Variants in ADAMTSL3 observed in about 807,000 individuals in gnomAD.
The protein encoded by ADAMTSL3 is ADAMTS like 3.
A neutral mutation model predicts 201.7 loss-of-function variants in ADAMTSL3; 128 were observed. That is an observed-to-expected ratio of 0.63 (90% CI 0.55 to 0.73). ADAMTSL3 has a LOEUF of 0.73. Among genes scored for constraint, ADAMTSL3 ranks in the 30% least tolerant of loss-of-function variants. The pLI is 0.00. For synonymous variants in ADAMTSL3, 738 were observed against 748.4 expected (o/e 0.99, Z 0.23); for missense variants, 1,990 against 2,119.6 (o/e 0.94, Z 1.20).
At chr15:83,757,265 A>C (rs904643530) in intron 3 of ADAMTSL3, among the ~76,000 whole-genome samples, 10 of 152,248 alleles carry the variant, frequency 6.6e-5, no homozygotes, top group Non-Finnish European at 1.5e-4. Context: ...ATGGACATCC[A>C]GGTATTTCCA....
chr15:83,714,890 C>T (rs1232936012), intron 3 of ADAMTSL3, among the ~76,000 whole-genome samples: 998 of 41,124 alleles, frequency 0.024, 29 homozygotes, highest in South Asian at 0.035. Context: ...TCCTTCCTTC[C>T]TTCCTTCCTT....
intron 19 of ADAMTSL3, among the ~76,000 whole-genome samples, chr15:83,944,012 G>A (rs2066610956): frequency 6.6e-6 from 1 of 152,096 alleles, no homozygotes. Context: ...TGACTAATAG[G>A]CAGGTAGCAT....
intron 4 of ADAMTSL3, among the ~76,000 whole-genome samples, chr15:83,783,723 G>A (rs1488996116): frequency 6.6e-6 from 1 of 150,796 alleles, no homozygotes; most frequent in Non-Finnish European, 1.5e-5. Context: ...TAATAGCCCT[G>A]AATACACATA....
At position 83,655,768 on chromosome 15, in the gene ADAMTSL3, T is replaced by A. The variant is rs1261498174; in HGVS notation, c.7T>A (p.Ser3Thr). Residue 3 changes from serine (S) to threonine (T), a missense_variant, in exon 2 of 30, where the codon TCC becomes ACC. By Grantham distance (58) the Ser-to-Thr change is moderately conservative. Coordinates refer to ENST00000286744, the MANE Select transcript of ADAMTSL3 (RefSeq NM_207517.3). ...CCGGAGGAGACTAGACCCCATGGCT[T>A]CCTGGACGAGCCCCTGGTGGGTGCT... MASWTSPWWVLIG... is the reference protein window; with the variant it reads MATWTSPWWVLIG... The A allele has an allele frequency of 2.5e-6, 4 of 1,614,176 alleles. No individual in the cohort carries two copies. The highest frequency in any genetic ancestry group is 3.4e-6 in the Non-Finnish European group (4 of 1,180,020).
At chr15:83,681,538 G>A (rs909164914) in intron 2 of ADAMTSL3, among the ~76,000 whole-genome samples, 6 of 152,126 alleles carry the variant, frequency 3.9e-5, no homozygotes, top group Non-Finnish European at 7.4e-5. Flanking sequence ...GAATGGATTC[G>A]GGATTAATGT....
intron 9 of ADAMTSL3, among the ~76,000 whole-genome samples, chr15:83,872,556 C>T (rs2065100538): frequency 6.6e-6 from 1 of 150,534 alleles, no homozygotes; most frequent in Non-Finnish European, 1.5e-5. Flanking sequence ...TCCTTGCCCT[C>T]CTTAGGGCCT....
intron 3 of ADAMTSL3, among the ~76,000 whole-genome samples, chr15:83,753,475 C>T (rs937772546): frequency 6.6e-6 from 1 of 152,134 alleles, no homozygotes; most frequent in African/African-American, 2.4e-5. Context: ...AATAATATTT[C>T]TTGTGGGAGT....
chr15:83,891,445 A>G (rs1596364346), intron 12 of ADAMTSL3, 66 bp downstream of exon 12: 3 of 1,323,132 alleles, frequency 2.3e-6, no homozygotes, highest in African/African-American at 2.9e-5. Context: ...TAGCATCTGT[A>G]GCAATAGCCT....
At chr15:83,779,697 C>CAAAA (rs199855902) in intron 4 of ADAMTSL3, among the ~76,000 whole-genome samples, 1 of 72,100 alleles carries the variant, frequency 1.4e-5, no homozygotes, top group Non-Finnish European at 2.7e-5. Context: ...GACTCCATCT[C>CAAAA]AAAAAAAAAA....
intron 8 of ADAMTSL3, among the ~76,000 whole-genome samples, chr15:83,869,743 CTTTG>C (rs1596335580): frequency 6.6e-6 from 1 of 152,108 alleles, no homozygotes; most frequent in Admixed American, 6.5e-5. Context: ...CTTCTGTGTT[CTTTG>C]TTTGAGATTT....
At chr15:83,968,217 A>G (rs2067125291) in intron 19 of ADAMTSL3, among the ~76,000 whole-genome samples, 1 of 152,250 alleles carries the variant, frequency 6.6e-6, no homozygotes, top group Non-Finnish European at 1.5e-5. Context: ...TCTGCACAGC[A>G]AAAGAAACTA....
chr15:83,744,792 C>G lies in ADAMTSL3; in HGVS notation c.190-28731C>G, dbSNP rs571230780. On this transcript the variant is annotated intron_variant, in intron 3 of 29. Transcript: ENST00000286744. ...TAATTTTCAGTCAGTGGTTTGTCAG[C>G]AGGACTGTCGTGTTTGGGGTGTCTT... Among the ~76,000 whole-genome samples, 6 of 152,316 alleles carry G rather than the reference C, an allele frequency of 3.9e-5. No individual in the cohort carries two copies. The South Asian group carries it at 1.0e-3, about 26-fold the overall frequency.
intron 3 of ADAMTSL3, among the ~76,000 whole-genome samples, chr15:83,764,115 C>T (rs1863449): frequency 0.69 from 104,742 of 151,986 alleles, 37,427 homozygotes; most frequent in African/African-American, 0.86. Context: ...CTATTGATTC[C>T]AGCACCTTTG....
intron 3 of ADAMTSL3, among the ~76,000 whole-genome samples, chr15:83,759,436 G>A (rs375471548): frequency 4.6e-5 from 7 of 152,010 alleles, no homozygotes; most frequent in East Asian, 1.9e-4. Context: ...CATGTTAGCC[G>A]GGATGGTCTT....
intron 17 of ADAMTSL3, among the ~76,000 whole-genome samples, chr15:83,940,909 T>C (rs1477278161): frequency 6.6e-6 from 1 of 152,146 alleles, no homozygotes; most frequent in Admixed American, 6.5e-5. Context: ...ACCACAAAAC[T>C]AGTGAGGTCC....
At chr15:83,955,746 T>C (rs2066849124) in intron 19 of ADAMTSL3, among the ~76,000 whole-genome samples, 1 of 152,112 alleles carries the variant, frequency 6.6e-6, no homozygotes, top group Non-Finnish European at 1.5e-5. Context: ...TTCACGACTC[T>C]GCCCAGTGCA....
intron 3 of ADAMTSL3, among the ~76,000 whole-genome samples, chr15:83,728,864 T>C (rs1291779187): frequency 6.6e-6 from 1 of 152,088 alleles, no homozygotes. Flanking sequence ...CTTCAGATGA[T>C]TTCTTATTTC....
Position 83,801,663 on chromosome 15 carries a change from T to C in ADAMTSL3, c.318-2987T>C, listed in dbSNP as rs796818979. Among the ~76,000 whole-genome samples the C allele has an allele frequency of 4.6e-5, 2 of 43,552 alleles. 1 individual carries two copies. The highest frequency in any genetic ancestry group is 1.7e-4 in the African/African-American group (2 of 11,478). 28.6% of individuals were successfully genotyped at this position (43,552 alleles called of 152,430 possible). ...ATATATAAATATAAATATATATATATATATATATATATATATATATATATA... is the reference window on the plus strand; with the variant it reads ...ATATATAAATATAAATATATATATACATATATATATATATATATATATATA... On this transcript the variant is annotated intron_variant, in intron 4 of 29. Coordinates refer to ENST00000286744, the MANE Select transcript of ADAMTSL3 (RefSeq NM_207517.3).
chr15:83,903,917 CAAAAAAAAAAAAAAAAAAAAAAAA>C (rs1168502648), intron 15 of ADAMTSL3, among the ~76,000 whole-genome samples: 383 of 19,016 alleles, frequency 0.02, 23 homozygotes, highest in Middle Eastern at 0.11. Flanking sequence ...GACTCCACAT[CAAAAAAAAAAAAAAAAAAAAAAAA>C]AAAGAAAAAA....
Sources: allele counts gnomAD v4.1 joint callset (sites outside exome capture counted in the v4.1 genomes callset), GRCh38; gene constraint gnomAD v4.1.1; transcripts MANE v1.5; gene names NCBI Gene and HGNC (gene_info 2026-07-23, HGNC 2026-07-21).